The following HS3ST2 variants were observed in gnomAD, a reference collection of about 807,000 sequenced individuals.
HS3ST2 encodes the protein heparan sulfate-glucosamine 3-sulfotransferase 2.
In HS3ST2, 17 loss-of-function variants were observed where a neutral mutation model predicts 26.3. The ratio of observed to expected loss-of-function variants is 0.65; its 90% CI spans 0.44 to 0.97. The LOEUF (loss-of-function observed/expected upper bound fraction) is 0.97, where lower values mean the gene tolerates loss of function less well. Ranked by LOEUF, HS3ST2 falls within the 50% of genes least tolerant of loss-of-function variation. HS3ST2 has a pLI of 0.00. For synonymous variants in HS3ST2, 237 were observed against 219.2 expected (o/e 1.08, Z -0.72); for missense variants, 402 against 501.2 (o/e 0.80, Z 1.89).
intron 1 of HS3ST2, chr16:22,833,181 G>A (rs931538483): frequency 6.6e-6 from 3 of 455,378 alleles, no homozygotes; most frequent in Admixed American, 2.3e-5. Flanking sequence ...AAACCTGGCT[G>A]TATTGCTTGC....
chr16:22,816,305 A>G (rs186633178), intron 1 of HS3ST2, among the ~76,000 whole-genome samples: 19 of 152,320 alleles, frequency 1.2e-4, no homozygotes, highest in African/African-American at 4.3e-4. Context: ...TGCTGTTTTT[A>G]TCTACAGCTT....
intron 1 of HS3ST2, among the ~76,000 whole-genome samples, chr16:22,856,427 C>A (rs562798172): frequency 6.6e-6 from 1 of 152,278 alleles, no homozygotes; most frequent in East Asian, 1.9e-4. Flanking sequence ...AGTCCTGATG[C>A]AGTTTCTTCA....
chr16:22,850,719 G>A (rs1342398476), intron 1 of HS3ST2, among the ~76,000 whole-genome samples: 6 of 152,128 alleles, frequency 3.9e-5, no homozygotes, highest in African/African-American at 9.7e-5. Context: ...CCCGGGAGGC[G>A]GAGGTTGCAG....
At chr16:22,901,078 T>C (rs1902276834) in intron 1 of HS3ST2, among the ~76,000 whole-genome samples, 1 of 152,164 alleles carries the variant, frequency 6.6e-6, no homozygotes, top group African/African-American at 2.4e-5. Context: ...CATTACACTT[T>C]ATACGGGACT....
intron 1 of HS3ST2, among the ~76,000 whole-genome samples, chr16:22,885,970 T>C (rs1195443730): frequency 6.6e-6 from 1 of 152,158 alleles, no homozygotes; most frequent in East Asian, 1.9e-4. Flanking sequence ...CTTTCTTTCC[T>C]GGCTCATGTG....
chr16:22,820,294 T>C (rs1900972521), intron 1 of HS3ST2, among the ~76,000 whole-genome samples: 1 of 152,196 alleles, frequency 6.6e-6, no homozygotes, highest in Non-Finnish European at 1.5e-5. Context: ...GCAACAAGAA[T>C]TGTCATTGCT....
At chr16:22,898,987 C>T (rs1902245802) in intron 1 of HS3ST2, among the ~76,000 whole-genome samples, 1 of 152,208 alleles carries the variant, frequency 6.6e-6, no homozygotes, top group African/African-American at 2.4e-5. Flanking sequence ...AATTGGATCA[C>T]CTCCAACTAC....
At chr16:22,832,248 C>T (rs1008094727) in intron 1 of HS3ST2, among the ~76,000 whole-genome samples, 19 of 151,456 alleles carry the variant, frequency 1.3e-4, no homozygotes, top group African/African-American at 4.1e-4. Flanking sequence ...CCTCCCACTT[C>T]AGCCTCTCAA....
intron 1 of HS3ST2, among the ~76,000 whole-genome samples, chr16:22,821,737 C>T (rs1464476071): frequency 6.6e-6 from 1 of 152,166 alleles, no homozygotes; most frequent in East Asian, 1.9e-4. Context: ...TCCTAATGGG[C>T]TGCATGGCTG....
chr16:22,826,602 C>T (rs973206074), intron 1 of HS3ST2, among the ~76,000 whole-genome samples: 2 of 152,204 alleles, frequency 1.3e-5, no homozygotes, highest in Non-Finnish European at 2.9e-5. Flanking sequence ...ATATTCATGA[C>T]TGTATCCCTG....
At chr16:22,851,385 C>G (rs1425674922) in intron 1 of HS3ST2, among the ~76,000 whole-genome samples, 4 of 152,144 alleles carry the variant, frequency 2.6e-5, no homozygotes, top group Admixed American at 6.5e-5. Context: ...GTGAGGAAAC[C>G]AAGTCTTATT....
chr16:22,867,101 C>T (rs372052264), intron 1 of HS3ST2, among the ~76,000 whole-genome samples: 9 of 152,028 alleles, frequency 5.9e-5, no homozygotes, highest in South Asian at 2.1e-4. Context: ...GTGGAAAGAT[C>T]GGTGGGATAG....
intron 1 of HS3ST2, among the ~76,000 whole-genome samples, chr16:22,901,608 C>T (rs117250470): frequency 5.9e-5 from 9 of 152,298 alleles, no homozygotes; most frequent in South Asian, 2.1e-4. Flanking sequence ...TAGTGTCCCA[C>T]GGTCAGCTGC....
chr16:22,860,115 T>G (rs1331103141), intron 1 of HS3ST2, among the ~76,000 whole-genome samples: 1 of 152,186 alleles, frequency 6.6e-6, no homozygotes, highest in Non-Finnish European at 1.5e-5. Flanking sequence ...TGTATTAGTC[T>G]GTTATTGTGC....
intron 1 of HS3ST2, among the ~76,000 whole-genome samples, chr16:22,900,533 A>G (rs996773519): frequency 6.6e-6 from 1 of 152,098 alleles, no homozygotes; most frequent in Non-Finnish European, 1.5e-5. Flanking sequence ...AGAGGTCACC[A>G]ATTGAATTTG....
At chr16:22,833,599 T>C (rs1215110548) in intron 1 of HS3ST2, among the ~76,000 whole-genome samples, 1 of 152,158 alleles carries the variant, frequency 6.6e-6, no homozygotes, top group East Asian at 1.9e-4. Flanking sequence ...GGCTAGCCCA[T>C]GAGAGAAAGA....
In HS3ST2 at chr16:22,906,301, G is replaced by C. The variant is rs1282521829; in HGVS notation, c.486-8643G>C. On this transcript the variant is annotated intron_variant, in intron 1 of 1. Transcript: ENST00000261374. ...CAGGAGGATCGCTTGAACCTGGGAG[G>C]TGGAAGTGGCAGTGAGCCGAGATTG... 2.6e-5 allele frequency among the ~76,000 whole-genome samples: 4 copies of C among 152,050 alleles called. No individual in the cohort carries two copies. In the East Asian group the frequency reaches 5.8e-4, roughly 22 times the overall value.
chr16:22,871,924 AC>A (rs1901844844), intron 1 of HS3ST2, among the ~76,000 whole-genome samples: 1 of 152,172 alleles, frequency 6.6e-6, no homozygotes, highest in Non-Finnish European at 1.5e-5. Flanking sequence ...GTGCAAACAG[AC>A]TTGGAATAGC....
Position 22,833,526 on chromosome 16 carries a change from T to C in HS3ST2, c.485+18431T>C, listed in dbSNP as rs543533099. ...TGGTGTCACTTCATAAACCATGGTGTGGTAGAGGGGAGGCACACCGGACCT... is the reference window on the plus strand; with the variant it reads ...TGGTGTCACTTCATAAACCATGGTGCGGTAGAGGGGAGGCACACCGGACCT... On this transcript the variant is annotated intron_variant, in intron 1 of 1. Transcript: ENST00000261374. 335 of 357,092 alleles carry C rather than the reference T, an allele frequency of 9.4e-4. 1 individual carries two copies. Among genetic ancestry groups the C allele is most frequent in the Middle Eastern group, 2.0e-3 (2 of 1,000 alleles). 22.1% of individuals were successfully genotyped at this position (357,092 alleles called of 1,614,324 possible). A position where few individuals can be genotyped will look rare whatever the true frequency, so the allele number is the denominator to read the frequency against.
Sources: allele counts gnomAD v4.1 joint callset (sites outside exome capture counted in the v4.1 genomes callset), GRCh38; gene constraint gnomAD v4.1.1; transcripts MANE v1.5; gene names NCBI Gene and HGNC (gene_info 2026-07-23, HGNC 2026-07-21).